CNTNAP5: variants seen among roughly 807,000 people sequenced by gnomAD.
CNTNAP5 encodes contactin associated protein family member 5.
Under a neutral mutation model 150.2 loss-of-function variants are expected in CNTNAP5, and 72 were observed. That is an observed-to-expected ratio of 0.48 (90% CI 0.40 to 0.58). CNTNAP5 has a LOEUF of 0.58. CNTNAP5 is among the 20% of genes least tolerant of loss of function. The probability of loss-of-function intolerance (pLI) is 0.00; values close to 1 mark genes in which losing one functional copy is unlikely to be tolerated. For missense variants in CNTNAP5, 1,636 were observed against 1,626.2 expected, an observed-to-expected ratio of 1.01 and a Z score of -0.10; for synonymous variants, 672 against 619.8, an observed-to-expected ratio of 1.08 and a Z score of -1.25.
intron 13 of CNTNAP5, among the ~76,000 whole-genome samples, chr2:124,654,632 G>C (rs1678401955): frequency 6.6e-6 from 1 of 152,086 alleles, no homozygotes; most frequent in Non-Finnish European, 1.5e-5. Context: ...CTTTCACCAT[G>C]CTCACAAAGC....
At chr2:124,439,097 T>C (rs1692612663) in intron 5 of CNTNAP5, among the ~76,000 whole-genome samples, 1 of 152,090 alleles carries the variant, frequency 6.6e-6, no homozygotes, top group South Asian at 2.1e-4. Flanking sequence ...AGGCAAACAA[T>C]ATGTATGTGT....
intron 21 of CNTNAP5, among the ~76,000 whole-genome samples, chr2:124,888,103 C>A (rs184352430): frequency 1.6e-4 from 25 of 152,178 alleles, no homozygotes; most frequent in African/African-American, 6.0e-4. Flanking sequence ...AGTTTTTAAA[C>A]CCTTTCTCCC....
At chr2:124,054,677 G>A (rs951076411) in intron 1 of CNTNAP5, among the ~76,000 whole-genome samples, 9 of 152,128 alleles carry the variant, frequency 5.9e-5, no homozygotes, top group African/African-American at 1.4e-4. Context: ...GTGGATCTTG[G>A]TAACCCATGA....
intron 10 of CNTNAP5, among the ~76,000 whole-genome samples, chr2:124,555,757 C>T (rs1012036330): frequency 6.6e-6 from 1 of 152,148 alleles, no homozygotes; most frequent in African/African-American, 2.4e-5. Flanking sequence ...ATGTAAACTA[C>T]AAGAGCAGGG....
At chr2:124,774,957 A>G (rs1330378118) in intron 17 of CNTNAP5, among the ~76,000 whole-genome samples, 1 of 152,188 alleles carries the variant, frequency 6.6e-6, no homozygotes, top group African/African-American at 2.4e-5. Context: ...CTGTAAGAGC[A>G]TGTCGATGGG....
chr2:124,900,241 T>C (rs1678388021), intron 21 of CNTNAP5, among the ~76,000 whole-genome samples: 1 of 151,622 alleles, frequency 6.6e-6, no homozygotes, highest in African/African-American at 2.4e-5. Flanking sequence ...ATGTTGAGTA[T>C]TTTGCAGCTT....
At chr2:124,369,444 G>A (rs1320417430) in intron 3 of CNTNAP5, among the ~76,000 whole-genome samples, 1 of 151,758 alleles carries the variant, frequency 6.6e-6, no homozygotes, top group Non-Finnish European at 1.5e-5. Context: ...AGTTGGTTTT[G>A]ATGGTGGGGG....
chr2:124,868,476 C>A (rs1255203480), intron 20 of CNTNAP5, among the ~76,000 whole-genome samples: 1 of 152,120 alleles, frequency 6.6e-6, no homozygotes, highest in Non-Finnish European at 1.5e-5. Context: ...CTTCCTTCTG[C>A]ACTCAAATGA....
chr2:124,052,515 G>A (rs1681726502), intron 1 of CNTNAP5, among the ~76,000 whole-genome samples: 3 of 152,208 alleles, frequency 2.0e-5, no homozygotes, highest in Admixed American at 6.5e-5. Context: ...ATTAATGCAA[G>A]CATTTGCAGT....
intron 12 of CNTNAP5, among the ~76,000 whole-genome samples, chr2:124,617,661 T>C (rs1677519724): frequency 6.6e-6 from 1 of 152,182 alleles, no homozygotes; most frequent in African/African-American, 2.4e-5. Flanking sequence ...ATAGATTACA[T>C]TCACAGGTAC....
Position 124,427,957 on chromosome 2 carries a change from G to C in CNTNAP5, c.530-6527G>C, listed in dbSNP as rs752046027. On this transcript the variant is annotated intron_variant, in intron 4 of 23. Transcript: ENST00000682447. ...CCACACCCAGGTTTTTATTCCTTAGGTCTGCAGTGAGGTCTTACATTCTGT... is the reference window on the plus strand; with the variant it reads ...CCACACCCAGGTTTTTATTCCTTAGCTCTGCAGTGAGGTCTTACATTCTGT... Among the ~76,000 whole-genome samples, 11 of 152,102 alleles carry C rather than the reference G, an allele frequency of 7.2e-5. No individual in the cohort carries two copies. The East Asian group carries it at 2.1e-3, about 30-fold the overall frequency.
At chr2:124,246,908 A>T (rs1687043619) in intron 3 of CNTNAP5, among the ~76,000 whole-genome samples, 1 of 152,280 alleles carries the variant, frequency 6.6e-6, no homozygotes, top group South Asian at 2.1e-4. Context: ...CCCCAAACAG[A>T]CAGCCATATA....
chr2:124,553,266 G>T (rs1180517560), intron 10 of CNTNAP5, among the ~76,000 whole-genome samples: 1 of 152,184 alleles, frequency 6.6e-6, no homozygotes, highest in African/African-American at 2.4e-5. Context: ...TACTTTGGGA[G>T]GCCGAGGCAG....
chr2:124,237,878 A>G (rs1350169980), intron 2 of CNTNAP5, among the ~76,000 whole-genome samples: 1 of 152,034 alleles, frequency 6.6e-6, no homozygotes, highest in Non-Finnish European at 1.5e-5. Flanking sequence ...ACAAAACACA[A>G]TTGCTTAGAA....
At chr2:124,513,451 T>G (rs1694638454) in intron 8 of CNTNAP5, among the ~76,000 whole-genome samples, 1 of 152,190 alleles carries the variant, frequency 6.6e-6, no homozygotes, top group Non-Finnish European at 1.5e-5. Context: ...AATATGTCTA[T>G]TTCATTGTTG....
At chr2:124,419,960 T>TCTTTTTCTC (rs1558894078) in intron 4 of CNTNAP5, among the ~76,000 whole-genome samples, 2 of 16,956 alleles carry the variant, frequency 1.2e-4, no homozygotes, top group Non-Finnish European at 2.4e-4. Context: ...TTCTTTCCTT[T>TCTTTTTCTC]TCTCTCTCTC....
rs1351536534 is a variant in CNTNAP5, at chr2:124,919,383, G to A, written c.*5095G>A. 6.6e-6 allele frequency among the ~76,000 whole-genome samples: 1 copy of A among 152,114 alleles called. No homozygotes were observed. The highest frequency in any genetic ancestry group is 1.5e-5 in the Non-Finnish European group (1 of 68,006). The stretch of plus-strand genomic sequence containing the variant: ...ATTTTCTAGTGAAATATTGTACTTT[G>A]TAAGCTAGATGTCTGTCTTATGTAA... On this transcript the variant is annotated 3_prime_UTR_variant, in exon 24 of 24. Transcript: ENST00000682447.
intron 13 of CNTNAP5, among the ~76,000 whole-genome samples, chr2:124,671,636 A>G (rs1191088542): frequency 6.6e-6 from 1 of 151,866 alleles, no homozygotes; most frequent in East Asian, 1.9e-4. Context: ...TCTTATTTTT[A>G]TTTTTAGTTA....
intron 1 of CNTNAP5, among the ~76,000 whole-genome samples, chr2:124,128,671 T>A (rs1261411199): frequency 1.3e-5 from 2 of 152,116 alleles, no homozygotes; most frequent in African/African-American, 4.8e-5. Flanking sequence ...CAAATGTCCA[T>A]CAATGATATA....
Sources: allele counts gnomAD v4.1 joint callset (sites outside exome capture counted in the v4.1 genomes callset), GRCh38; gene constraint gnomAD v4.1.1; transcripts MANE v1.5; gene names NCBI Gene and HGNC (gene_info 2026-07-23, HGNC 2026-07-21).